EIF4G2: variants seen among roughly 807,000 people sequenced by gnomAD.
The protein encoded by EIF4G2 is eukaryotic translation initiation factor 4 gamma 2, also known as DAP-5.
EIF4G2 carries 8 observed loss-of-function variants against 117.7 expected under a neutral mutation model. The ratio of observed to expected loss-of-function variants is 0.07; its 90% confidence interval spans 0.04 to 0.12. The LOEUF is 0.12. EIF4G2 is among the 10% of genes least tolerant of loss of function. The pLI is 1.00. For missense variants in EIF4G2, 812 were observed against 1,086.2 expected (o/e 0.75, Z 3.55); for synonymous variants, 413 against 367.8 (o/e 1.12, Z -1.41).
rs759338334 is a variant in EIF4G2 at position 10,805,968 on chromosome 11, C to T, written c.187G>A (p.Ala63Thr). 16 of 1,614,036 alleles carry T rather than the reference C, an allele frequency of 9.9e-6. No individual in the cohort carries two copies. Among genetic ancestry groups the T allele is most frequent in the African/African-American group, 1.3e-5 (1 of 74,914 alleles). ...TTTTCGTTTGCGGAGTTGTTTGCTG[C>T]GGAGTTGTCATCTCGTCTAGTGCTT... Residue 63 changes from alanine to threonine, a missense_variant, in exon 4 of 22, where the codon GCA (alanine) becomes ACA (threonine). Transcript: ENST00000339995.
rs1045994345 is a variant in EIF4G2 at position 10,801,776 on chromosome 11, T to C, written c.1300-2A>G. On this transcript the variant is annotated splice_acceptor_variant, in intron 13 of 21. Coordinates refer to ENST00000339995, the MANE Select transcript of EIF4G2 (RefSeq NM_001418.4). LOFTEE classifies it high-confidence loss of function. ...GTTATGGTAGAGCTGGCTTAGCCCC[T>C]ATTTCAGAAAAGGAGAAAGAAAGTC... The C allele has an allele frequency of 6.2e-7, 1 of 1,611,694 alleles. No homozygotes were observed. Among genetic ancestry groups the C allele is most frequent in the Non-Finnish European group, 8.5e-7 (1 of 1,179,310 alleles).
In EIF4G2 at chr11:10,801,712, C is replaced by A. The variant is rs764998559; in HGVS notation, c.1362G>T (p.Ser454=). 7.4e-6 allele frequency: 12 copies of A among 1,614,020 alleles called. No individual in the cohort carries two copies. The highest frequency in any genetic ancestry group is 4.4e-5 in the South Asian group (4 of 91,086). The change falls in exon 14 of 22, where the codon TCG becomes TCT. Residue 454 remains serine (S), a synonymous_variant. Transcript: ENST00000339995. ...TAGAAAACCGAGGTGGCATATCCTT[C>A]GACTGTCCTTGCAGCTGGGATAAGA...
Position 10,805,892 on chromosome 11 carries a change from G to A in EIF4G2, c.248+15C>T, listed in dbSNP as rs571563759. 351 of 1,614,168 alleles carry A rather than the reference G, an allele frequency of 2.2e-4. 6 individuals are homozygous for A. In the South Asian group the frequency reaches 3.6e-3, roughly 17 times the overall value. ...ACACTTCCCATCTTTTAGTAAAACA[G>A]ACCTTGAAACTTACCCTCTTACTTT... is the stretch of plus-strand genomic sequence containing the variant. On this transcript the variant is annotated intron_variant, in intron 4 of 21. Transcript: ENST00000339995.
chr11:10,803,832 G>C lies in EIF4G2; in HGVS notation c.702+67C>G. 6.5e-7 allele frequency: 1 copy of C among 1,540,486 alleles called. No individual in the cohort carries two copies. Among genetic ancestry groups the C allele is most frequent in the Non-Finnish European group, 8.8e-7 (1 of 1,136,040 alleles). On this transcript the variant is annotated intron_variant, in intron 8 of 21. Transcript: ENST00000339995. The surrounding 1 kb of genome is among the most constrained non-coding windows in gnomAD (Gnocchi z 4.0). The stretch of plus-strand genomic sequence containing the variant: ...ATTTAACTAGTCAACCTCCCTCTTA[G>C]ATGAATAATTGACTCATTTCCTCCA...
chr11:10,804,808 C>A, intron 5 of EIF4G2, 105 bp downstream of exon 5: 1 of 919,406 alleles, frequency 1.1e-6, no homozygotes, highest in South Asian at 1.5e-5. Context: ...CTATCTAACT[C>A]ACACCTAAGG....
rs781157445 is a variant in EIF4G2 at position 10,804,120 on chromosome 11, T to C, written c.550+17A>G. ...TGAAAATATACAGTAGTACTTATTA[T>C]CAGCTATAAGTCTTACCATCAACAT... On this transcript the variant is annotated intron_variant, in intron 7 of 21. Transcript: ENST00000339995. The C allele has an allele frequency of 1.2e-6, 2 of 1,613,870 alleles. No homozygotes were observed. Among genetic ancestry groups the C allele is most frequent in the Non-Finnish European group, 1.7e-6 (2 of 1,179,844 alleles).
At chr11:10,807,667 C>T (rs750625202) in intron 1 of EIF4G2, 1 of 1,023,142 alleles carries the variant, frequency 9.8e-7, no homozygotes. Context: ...AAACTGAGCA[C>T]TGAGATCAAT....
intron 1 of EIF4G2, 167 bp from the exon 2 acceptor site, chr11:10,807,548 C>T: frequency 2.3e-6 from 3 of 1,279,532 alleles, no homozygotes; most frequent in Non-Finnish European, 3.0e-6. Flanking sequence ...TGTTTAGCCA[C>T]CTGGAAATTC....
At position 10,805,012 on chromosome 11, in the gene EIF4G2, T is replaced by C; in HGVS notation, c.252A>G (p.Ile84Met). 1 of 1,611,902 alleles carries C rather than the reference T, an allele frequency of 6.2e-7. No homozygotes were observed. The highest frequency in any genetic ancestry group is 8.5e-7 in the Non-Finnish European group (1 of 1,177,978). ...ACTTTTCAGGAGTAAGCTTATTTAG[T>C]ATGCTGGAGAAAAAGGAATTACATT... Residue 84 changes from isoleucine (I) to methionine (M), a missense_variant, in exon 5 of 22, where the codon ATA becomes ATG. Ile to Met is a conservative substitution (Grantham distance 10). Transcript: ENST00000339995.
chr11:10,798,179 A>C (rs1847312940), intron 21 of EIF4G2, among the ~76,000 whole-genome samples: 1 of 152,198 alleles, frequency 6.6e-6, no homozygotes, highest in African/African-American at 2.4e-5. Context: ...AACTAGTAGC[A>C]TGAGAAAGAA....
chr11:10,806,642 T>C, intron 3 of EIF4G2, 178 bp downstream of exon 3: 1 of 605,790 alleles, frequency 1.7e-6, no homozygotes, highest in Non-Finnish European at 2.8e-6. Flanking sequence ...TCAACTCACT[T>C]AGAAAATTTG....
intron 14 of EIF4G2, chr11:10,801,300 TAC>T (rs1847409312): frequency 3.1e-6 from 2 of 646,062 alleles, no homozygotes; most frequent in Non-Finnish European, 5.2e-6. Context: ...TTATAAATCT[TAC>T]ATTCTCTTAG....
Position 10,800,641 on chromosome 11 carries a change from C to G in EIF4G2, c.1651G>C (p.Val551Leu), listed in dbSNP as rs1048888977. The change falls in exon 17 of 22, where the codon GTT (valine) becomes CTT (leucine). Residue 551 changes from valine (V) to leucine (L), a missense_variant. By Grantham distance (32) the Val-to-Leu change is conservative (BLOSUM62 1). Coordinates refer to ENST00000339995, the MANE Select transcript of EIF4G2 (RefSeq NM_001418.4). ...CCACTATTTAGATATTCAGTCACAA[C>G]AGTTTCCTGTGAAGAACACAAGTAT... The G allele has an allele frequency of 1.2e-6, 2 of 1,614,048 alleles. No individual in the cohort carries two copies. The highest frequency in any genetic ancestry group is 1.7e-6 in the Non-Finnish European group (2 of 1,180,030).
chr11:10,803,087 C>T lies in EIF4G2; in HGVS notation c.939G>A (p.Lys313=), dbSNP rs1476931196. The T allele has an allele frequency of 6.2e-7, 1 of 1,610,898 alleles. No homozygotes were observed. The highest frequency in any genetic ancestry group is 1.1e-5 in the South Asian group (1 of 90,560). Reference sequence around the variant, plus strand: ...TCTTTGGTCCATTGTCAAGAAAAGCCTTGCGAGGAACCCAATGGTGTTCTC... The same window carrying T: ...TCTTTGGTCCATTGTCAAGAAAAGCTTTGCGAGGAACCCAATGGTGTTCTC... Residue 313 remains lysine (K), a synonymous_variant, in exon 11 of 22, where the codon AAG becomes AAA. Transcript: ENST00000339995. The surrounding 1 kb of genome is among the most constrained non-coding windows in gnomAD (Gnocchi z 4.0).
Position 10,797,817 on chromosome 11 carries a change from T to C in EIF4G2, c.2723A>G (p.Ter908=). ...CAATTTAAGGCTTTGGCTGGTTCTT[T>C]AGTCAGCTTCTTCCTCTGATTCTTC... The change falls in exon 22 of 22, where the codon TAA becomes TGA. Residue 908 remains the stop codon, a stop_retained_variant. Coordinates refer to ENST00000339995, the MANE Select transcript of EIF4G2 (RefSeq NM_001418.4). This position sits in a 1 kb window ranked among gnomAD's most constrained non-coding sequence, Gnocchi z 4.5. 3.7e-6 allele frequency: 6 copies of C among 1,614,022 alleles called. No individual in the cohort carries two copies. The highest frequency in any genetic ancestry group is 5.1e-6 in the Non-Finnish European group (6 of 1,179,978).
chr11:10,801,678 G>T lies in EIF4G2; in HGVS notation c.1396C>A (p.Gln466Lys). ...AAATGTACCTCATCTGCATTAAGCT[G>T]TCCTTTCTTAGAAAACCGAGGTGGC... Residue 466 changes from glutamine (Q) to lysine (K), a missense_variant, in exon 14 of 22, where the codon CAG (glutamine) becomes AAG (lysine). Gln to Lys is a moderately conservative substitution (Grantham distance 53, BLOSUM62 1). Around this residue, in one of 4 missense-constraint regions of EIF4G2, gnomAD observed 571 missense variants for 642.3 expected, o/e 0.89. Transcript: ENST00000339995. 3 of 1,614,106 alleles carry T rather than the reference G, an allele frequency of 1.9e-6. No individual in the cohort carries two copies. Among genetic ancestry groups the T allele is most frequent in the Admixed American group, 3.3e-5 (2 of 60,008 alleles).
At chr11:10,800,404 T>C (rs2096173278) in intron 17 of EIF4G2, 28 bp downstream of exon 17, 1 of 1,613,600 alleles carries the variant, frequency 6.2e-7, no homozygotes, top group Non-Finnish European at 8.5e-7. Context: ...GTAAGAGTTC[T>C]TACCACACAA....
Position 10,807,261 on chromosome 11 carries a change from C to A in EIF4G2, c.35G>T (p.Arg12Leu). 1 of 1,609,372 alleles carries A rather than the reference C, an allele frequency of 6.2e-7. No individual in the cohort carries two copies. Reference sequence around the variant, plus strand: ...AAAATAAATCTACAAGTACCTGAAACGAGAAGCACCCCCTTCTGCAATCGC... The same window carrying A: ...AAAATAAATCTACAAGTACCTGAAAAGAGAAGCACCCCCTTCTGCAATCGC... The change falls in exon 2 of 22, where the codon CGT becomes CTT. Residue 12 changes from arginine (R) to leucine (L), a missense_variant. Physicochemically the swap from Arg to Leu is moderately radical, Grantham distance 102. This residue lies in a region of EIF4G2 where 79 missense variants were observed against 91.5 expected (regional missense o/e 0.86). Transcript: ENST00000339995.
At position 10,803,700 on chromosome 11, in the gene EIF4G2, T is replaced by G. The variant is rs1158264509; in HGVS notation, c.703-110A>C. Reference sequence around the variant, plus strand: ...ACTCATTCACAGTTCCTACAGAATCTAGTATAGGGCTTTCTACCAGTCTGG... The same window carrying G: ...ACTCATTCACAGTTCCTACAGAATCGAGTATAGGGCTTTCTACCAGTCTGG... On this transcript the variant is annotated intron_variant, in intron 8 of 21. Coordinates refer to ENST00000339995, the MANE Select transcript of EIF4G2 (RefSeq NM_001418.4). This position sits in a 1 kb window ranked among gnomAD's most constrained non-coding sequence, Gnocchi z 4.0. 2 of 1,153,410 alleles carry G rather than the reference T, an allele frequency of 1.7e-6. No individual in the cohort carries two copies. Among genetic ancestry groups the G allele is most frequent in the Admixed American group, 4.0e-5 (2 of 50,028 alleles). The allele number at this position is 1,153,410 out of a possible 1,614,324, so 71.4% of individuals were successfully genotyped here. A position where few individuals can be genotyped will look rare whatever the true frequency, so the allele number is the denominator to read the frequency against.
Sources: allele counts gnomAD v4.1 joint callset (sites outside exome capture counted in the v4.1 genomes callset), GRCh38; gene constraint gnomAD v4.1.1; regional missense constraint gnomAD v4.1.1; non-coding constraint Gnocchi (gnomAD v3.1); transcripts MANE v1.5; gene names NCBI Gene and HGNC (gene_info 2026-07-23, HGNC 2026-07-21).